FGFR3: variants seen among roughly 807,000 people sequenced by gnomAD.
The protein encoded by FGFR3 is fibroblast growth factor receptor 3.
A neutral mutation model predicts 82.9 loss-of-function variants in FGFR3; 25 were observed. That is an observed-to-expected ratio of 0.30 (90% CI 0.22 to 0.42). The LOEUF (loss-of-function observed/expected upper bound fraction) is 0.42, where lower values mean the gene tolerates loss of function less well. Among genes scored for constraint, FGFR3 ranks in the 10% least tolerant of loss-of-function variants. FGFR3 has a pLI of 1.00. For missense variants in FGFR3, 1,026 were observed against 1,161.0 expected, an observed-to-expected ratio of 0.88 and a Z score of 1.69; for synonymous variants, 620 against 516.0, an observed-to-expected ratio of 1.20 and a Z score of -2.73.
chr4:1,808,257 T>A lies in FGFR3; in HGVS notation c.*995T>A, dbSNP rs1325603363. 4 of 232,626 alleles carry A rather than the reference T, an allele frequency of 1.7e-5. No homozygotes were observed. The highest frequency in any genetic ancestry group is 3.4e-5 in the Non-Finnish European group (4 of 117,664). 14.4% of individuals were successfully genotyped at this position (232,626 alleles called of 1,614,324 possible). On this transcript the variant is annotated 3_prime_UTR_variant, in exon 18 of 18. Coordinates refer to ENST00000440486, the MANE Select transcript of FGFR3 (RefSeq NM_000142.5). ...ATAGAGGGACGGCCAAGAATGTACG[T>A]CCAGCCTGCCCCGGAGCTGGAGGAT... is the stretch of plus-strand genomic sequence containing the variant.
chr4:1,804,805 C>T lies in FGFR3; in HGVS notation c.1267-19C>T. 2 of 1,549,294 alleles carry T rather than the reference C, an allele frequency of 1.3e-6. No homozygotes were observed. Among genetic ancestry groups the T allele is most frequent in the Non-Finnish European group, 8.7e-7 (1 of 1,146,926 alleles). ...CTGTCGCCCACGCGGCGCCAACCTG[C>T]CCCTGCTGACCCAAGCAGGTGTCCC... On this transcript the variant is annotated intron_variant, in intron 9 of 17. Coordinates refer to ENST00000440486, the MANE Select transcript of FGFR3 (RefSeq NM_000142.5).
At chr4:1,806,478 C>T (rs994357425) in intron 15 of FGFR3, 68 bp from the exon 16 acceptor site, 13 of 1,611,234 alleles carry the variant, frequency 8.1e-6, no homozygotes, top group African/African-American at 1.3e-5. Context: ...CTGGCCTATT[C>T]CCCTGGTGCC....
At position 1,799,352 on chromosome 4, in the gene FGFR3, G is replaced by A. The variant is rs1284524676; in HGVS notation, c.208G>A (p.Gly70Arg). The A allele has an allele frequency of 1.2e-6, 2 of 1,612,460 alleles. No individual in the cohort carries two copies. The highest frequency in any genetic ancestry group is 1.3e-5 in the African/African-American group (1 of 74,942). Reference sequence around the variant, plus strand: ...TCCCCCGCCCGGGGGTGGTCCCATGGGGCCCACTGTCTGGGTCAAGGATGG... The same window carrying A: ...TCCCCCGCCCGGGGGTGGTCCCATGAGGCCCACTGTCTGGGTCAAGGATGG... ...SCPPPGGGPM[G>R]PTVWVKDGTG... is the part of the protein sequence containing the mutation. Residue 70 changes from glycine (G) to arginine (R), a missense_variant, in exon 3 of 18, where the codon GGG becomes AGG. This residue lies in a region of FGFR3 where 226 missense variants were observed against 222.0 expected (regional missense o/e 1.02). Coordinates refer to ENST00000440486, the MANE Select transcript of FGFR3 (RefSeq NM_000142.5).
rs776123170 is a variant in FGFR3 at position 1,801,613 on chromosome 4, G to A, written c.616-7G>A. ...CCGCTCACTCACCCGCCCGCGTCCC[G>A]GTGCAGCTGCGGCATCAGCAGTGGA... On this transcript the variant is annotated splice_region_variant and splice_polypyrimidine_tract_variant and intron_variant, in intron 5 of 17. Transcript: ENST00000440486. The A allele has an allele frequency of 4.4e-6, 7 of 1,607,084 alleles. No individual in the cohort carries two copies. Among genetic ancestry groups the A allele is most frequent in the South Asian group, 3.3e-5 (3 of 90,072 alleles).
chr4:1,807,322 A>G lies in FGFR3; in HGVS notation c.*60A>G, dbSNP rs375248814. Reference sequence around the variant, plus strand: ...TAGCAGCCCACCCTGCTGCTGGTGCACAGCCACTCCCCGGCATGAGACTCA... The same window carrying G: ...TAGCAGCCCACCCTGCTGCTGGTGCGCAGCCACTCCCCGGCATGAGACTCA... On this transcript the variant is annotated 3_prime_UTR_variant, in exon 18 of 18. Coordinates refer to ENST00000440486, the MANE Select transcript of FGFR3 (RefSeq NM_000142.5). 5 of 1,545,150 alleles carry G rather than the reference A, an allele frequency of 3.2e-6. No individual in the cohort carries two copies. The highest frequency in any genetic ancestry group is 2.7e-5 in the African/African-American group (2 of 73,326).
Position 1,799,748 on chromosome 4 carries a change from C to A in FGFR3, c.381C>A (p.Asp127Glu). Residue 127 changes from aspartate (D) to glutamate (E), a missense_variant and splice_region_variant, in exon 4 of 18, where the codon GAC (aspartate) becomes GAA (glutamate). Asp to Glu is a conservative substitution (Grantham distance 45). Coordinates refer to ENST00000440486, the MANE Select transcript of FGFR3 (RefSeq NM_000142.5). ...GTTGCGGCCATCTCTGCCTTGCAGA[C>A]GCTCCATCCTCGGGAGATGACGAAG... ...VLCHFSVRVT[D>E]APSSGDDEDG... 6.2e-7 allele frequency: 1 copy of A among 1,612,914 alleles called. No homozygotes were observed. The highest frequency in any genetic ancestry group is 8.5e-7 in the Non-Finnish European group (1 of 1,179,922).
At chr4:1,803,106 C>G (rs1214900068) in intron 7 of FGFR3, 1 of 1,510,052 alleles carries the variant, frequency 6.6e-7, no homozygotes, top group African/African-American at 1.4e-5. Context: ...AGAGCTCCAG[C>G]TCCAAGGCCC....
chr4:1,799,875 G>T (rs1021677295), intron 4 of FGFR3, 63 bp downstream of exon 4: 3 of 1,574,580 alleles, frequency 1.9e-6, no homozygotes, highest in African/African-American at 2.7e-5. Flanking sequence ...GCCAAGCCCT[G>T]CCCTTCACAG....
Position 1,793,925 on chromosome 4 carries a change from C to A in FGFR3, c.-10C>A. ...CGCTGCCTGAGGACGCCGCGGCCCC[C>A]GCCCCCGCCATGGGCGCCCCTGCCT... On this transcript the variant is annotated 5_prime_UTR_variant, in exon 2 of 18. Transcript: ENST00000440486. 4.0e-6 allele frequency: 5 copies of A among 1,256,704 alleles called. No individual in the cohort carries two copies. The highest frequency in any genetic ancestry group is 2.5e-5 in the South Asian group (1 of 39,954). The allele number at this position is 1,256,704 out of a possible 1,614,324, so 77.8% of individuals were successfully genotyped here.
intron 2 of FGFR3, 124 bp downstream of exon 2, chr4:1,794,167 G>T: frequency 2.2e-6 from 1 of 464,212 alleles, no homozygotes. Flanking sequence ...TTAGAGCCCG[G>T]ATTCCGCTGC....
At position 1,793,959 on chromosome 4, in the gene FGFR3, G is replaced by A. The variant is rs1479502935; in HGVS notation, c.25G>A (p.Ala9Thr). ...CATGGGCGCCCCTGCCTGCGCCCTC[G>A]CGCTCTGCGTGGCCGTGGCCATCGT... MGAPACAL[A>T]LCVAVAIVAG... The change falls in exon 2 of 18, where the codon GCG becomes ACG. Residue 9 changes from alanine (A) to threonine (T), a missense_variant. Coordinates refer to ENST00000440486, the MANE Select transcript of FGFR3 (RefSeq NM_000142.5). 2 of 1,360,676 alleles carry A rather than the reference G, an allele frequency of 1.5e-6. No homozygotes were observed. The highest frequency in any genetic ancestry group is 3.7e-5 in the South Asian group (2 of 54,356). 84.3% of individuals were successfully genotyped at this position (1,360,676 alleles called of 1,614,324 possible).
Position 1,801,601 on chromosome 4 carries a change from C to T in FGFR3, c.616-19C>T, listed in dbSNP as rs377149645. 2.3e-4 allele frequency: 368 copies of T among 1,600,658 alleles called. No individual in the cohort carries two copies. The highest frequency in any genetic ancestry group is 2.8e-4 in the Non-Finnish European group (333 of 1,174,930). ...TGGTTGCTGCCTCCGCTCACTCACC[C>T]GCCCGCGTCCCGGTGCAGCTGCGGC... On this transcript the variant is annotated intron_variant, in intron 5 of 17. Coordinates refer to ENST00000440486, the MANE Select transcript of FGFR3 (RefSeq NM_000142.5).
intron 7 of FGFR3, 23 bp downstream of exon 7, chr4:1,802,048 G>A (rs781597627): frequency 6.2e-7 from 1 of 1,602,728 alleles, no homozygotes; most frequent in Non-Finnish European, 8.5e-7. Flanking sequence ...GTGCACGTGG[G>A]TGCCGCCGCT....
chr4:1,801,247 C>A, intron 4 of FGFR3, 120 bp from the exon 5 acceptor site: 1 of 1,162,144 alleles, frequency 8.6e-7, no homozygotes. Context: ...CCGCCCTCTT[C>A]CTACACAGGA....
rs199544087 is a variant in FGFR3 at position 1,805,761 on chromosome 4, G to A, written c.1657G>A (p.Val553Met). The change falls in exon 13 of 18, where the codon GTG becomes ATG. Residue 553 changes from valine to methionine, a missense_variant. By Grantham distance (21) the Val-to-Met change is conservative. This residue lies in a region of FGFR3 where 164 missense variants were observed against 167.5 expected (regional missense o/e 0.98). Coordinates refer to ENST00000440486, the MANE Select transcript of FGFR3 (RefSeq NM_000142.5). ...GCCCGTGTCCCCAGGGCCCCTGTAC[G>A]TGCTGGTGGAGTACGCGGCCAAGGG... ...GACTQGGPLY[V>M]LVEYAAKGNL... The A allele has an allele frequency of 9.1e-5, 146 of 1,612,480 alleles. No homozygotes were observed. Among genetic ancestry groups the A allele is most frequent in the East Asian group, 1.6e-4 (7 of 44,884 alleles).
At chr4:1,801,062 G>GCCTGGC (rs1170348699) in intron 4 of FGFR3, among the ~76,000 whole-genome samples, 1 of 152,226 alleles carries the variant, frequency 6.6e-6, no homozygotes, top group African/African-American at 2.4e-5. Flanking sequence ...CCGTTGGTGG[G>GCCTGGC]CCTGGCCCTG....
rs1052995802 is a variant in FGFR3 at position 1,807,902 on chromosome 4, C to T, written c.*640C>T. ...AGATGCTGTGTATATGGTATATATA[C>T]ATATATATATATAACATATATGGAA... On this transcript the variant is annotated 3_prime_UTR_variant, in exon 18 of 18. Coordinates refer to ENST00000440486, the MANE Select transcript of FGFR3 (RefSeq NM_000142.5). 4 of 341,530 alleles carry T rather than the reference C, an allele frequency of 1.2e-5. No individual in the cohort carries two copies. The highest frequency in any genetic ancestry group is 2.2e-5 in the Non-Finnish European group (4 of 181,042). 21.2% of individuals were successfully genotyped at this position (341,530 alleles called of 1,614,324 possible).
rs77722678 is a variant in FGFR3 at position 1,805,643 on chromosome 4, A to G, written c.1619A>G (p.Asn540Ser). 1.4e-5 allele frequency: 22 copies of G among 1,613,096 alleles called. No individual in the cohort carries two copies. The highest frequency in any genetic ancestry group is 2.7e-5 in the African/African-American group (2 of 74,908). The change falls in exon 12 of 18, where the codon AAC becomes AGC. Residue 540 changes from asparagine (N) to serine (S), a missense_variant. Physicochemically the swap from Asn to Ser is conservative, Grantham distance 46 (BLOSUM62 1). Around this residue, in one of 9 missense-constraint regions of FGFR3, gnomAD observed 164 missense variants for 167.5 expected, o/e 0.98. Transcript: ENST00000440486. Reference protein sequence around the residue: ...KMIGKHKNIINLLGACTQGGP... With the variant: ...KMIGKHKNIISLLGACTQGGP... ...ATCGGGAAACACAAAAACATCATCA[A>G]CCTGCTGGGCGCCTGCACGCAGGGC... is the stretch of plus-strand genomic sequence containing the variant.
chr4:1,794,916 G>T (rs1375931926), intron 2 of FGFR3, among the ~76,000 whole-genome samples: 1 of 151,626 alleles, frequency 6.6e-6, no homozygotes, highest in Non-Finnish European at 1.5e-5. Context: ...GCCGAGGCCC[G>T]AACAGCCGCT....
Sources: gnomAD v4.1 joint callset for allele counts (sites outside exome capture counted in the v4.1 genomes callset) on GRCh38, gnomAD v4.1.1 for gene constraint, gnomAD v4.1.1 regional missense constraint, MANE v1.5 for transcripts, NCBI Gene and HGNC (gene_info 2026-07-23, HGNC 2026-07-21) for gene names.